CAB39L: variants seen among roughly 807,000 people sequenced by gnomAD.
CAB39L encodes calcium-binding protein 39-like.
In CAB39L, 23 loss-of-function variants were observed where a neutral mutation model predicts 39.1. The ratio of observed to expected loss-of-function variants is 0.59; its 90% confidence interval spans 0.42 to 0.83. The LOEUF (loss-of-function observed/expected upper bound fraction) is 0.83. CAB39L is among the 40% of genes least tolerant of loss of function. CAB39L has a pLI of 0.00. For missense variants in CAB39L, 366 were observed against 391.9 expected (o/e 0.93, Z 0.56); for synonymous variants, 126 against 137.2 (o/e 0.92, Z 0.57).
chr13:49,346,546 T>C (rs1296672411), intron 7 of CAB39L, among the ~76,000 whole-genome samples: 2 of 152,098 alleles, frequency 1.3e-5, no homozygotes, highest in Non-Finnish European at 2.9e-5. Flanking sequence ...AAAAATCTGA[T>C]ATCTATATTT....
At chr13:49,342,217 C>T (rs1348459411) in intron 8 of CAB39L, among the ~76,000 whole-genome samples, 1 of 152,228 alleles carries the variant, frequency 6.6e-6, no homozygotes. Context: ...TATTTGTTTG[C>T]TACCACTGGT....
At position 49,350,818 on chromosome 13, in the gene CAB39L, G is replaced by A. The variant is rs1183880724; in HGVS notation, c.490C>T (p.Gln164Ter). Residue 164 changes from glutamine to a stop codon, truncating the protein, a stop_gained, in exon 7 of 11, where the codon CAA becomes TAA. Transcript: ENST00000409308. LOFTEE classifies it high-confidence loss of function. Reference sequence around the variant, plus strand: ...ACGTACTTAAAGAAATCTCTGAATTGATTAGAAAAGAGGATGATTTTGGCA... The same window carrying A: ...ACGTACTTAAAGAAATCTCTGAATTAATTAGAAAAGAGGATGATTTTGGCA... ...PLAKIILFSN[Q>*]FRDFFKYVEL... is the part of the protein sequence containing the mutation. 1.9e-6 allele frequency: 3 copies of A among 1,611,788 alleles called. No homozygotes were observed. The highest frequency in any genetic ancestry group is 2.5e-6 in the Non-Finnish European group (3 of 1,178,722).
intron 10 of CAB39L, among the ~76,000 whole-genome samples, chr13:49,321,337 CTTACA>C (rs1310089915): frequency 6.6e-6 from 1 of 152,184 alleles, no homozygotes; most frequent in Admixed American, 6.5e-5. Context: ...GTAGATTCTT[CTTACA>C]TTACATGAGA....
At chr13:49,358,971 A>G (rs964904367) in intron 6 of CAB39L, among the ~76,000 whole-genome samples, 1 of 152,246 alleles carries the variant, frequency 6.6e-6, no homozygotes, top group Non-Finnish European at 1.5e-5. Flanking sequence ...AAAATGTACA[A>G]GAGAGAAAAT....
At chr13:49,312,493 G>GT (rs1954024169) in intron 10 of CAB39L, among the ~76,000 whole-genome samples, 2 of 152,176 alleles carry the variant, frequency 1.3e-5, no homozygotes, top group African/African-American at 2.4e-5. Flanking sequence ...ATTCAGTATG[G>GT]TAACATGCTG....
At chr13:49,329,912 G>T (rs1437736797) in intron 10 of CAB39L, among the ~76,000 whole-genome samples, 1 of 151,982 alleles carries the variant, frequency 6.6e-6, no homozygotes, top group Non-Finnish European at 1.5e-5. Flanking sequence ...CTTTCTCACT[G>T]TCTATACTCC....
intron 7 of CAB39L, among the ~76,000 whole-genome samples, chr13:49,346,042 G>A (rs1395216958): frequency 9.6e-6 from 1 of 104,238 alleles, no homozygotes; most frequent in Non-Finnish European, 1.9e-5. Context: ...AATAGGGTGG[G>A]GTAGAATTCC....
At chr13:49,423,192 G>A (rs895188938) in intron 3 of CAB39L, among the ~76,000 whole-genome samples, 1 of 152,184 alleles carries the variant, frequency 6.6e-6, no homozygotes, top group Admixed American at 6.5e-5. Context: ...AGATTACTGG[G>A]TCCTTTCCGC....
At position 49,361,552 on chromosome 13, in the gene CAB39L, A is replaced by G. The variant is rs368276772; in HGVS notation, c.277-1720T>C. ...AGAGAGACAGAAAAAAAGAGAGAGA[A>G]AGAGAAAGAAAAGAAAGAAAGAAAG... On this transcript the variant is annotated intron_variant, in intron 5 of 10. Transcript: ENST00000409308. 3.3e-3 allele frequency among the ~76,000 whole-genome samples: 356 copies of G among 107,974 alleles called. 1 individual carries two copies. The highest frequency in any genetic ancestry group is 8.9e-3 in the African/African-American group (259 of 29,020). 70.8% of individuals were successfully genotyped at this position (107,974 alleles called of 152,430 possible).
intron 10 of CAB39L, among the ~76,000 whole-genome samples, chr13:49,326,446 G>A (rs1420132556): frequency 6.6e-6 from 1 of 152,164 alleles, no homozygotes; most frequent in African/African-American, 2.4e-5. Flanking sequence ...CTCACCAATA[G>A]TAGGAAGCAC....
chr13:49,422,800 C>T (rs1957189771), intron 3 of CAB39L, among the ~76,000 whole-genome samples: 1 of 152,020 alleles, frequency 6.6e-6, no homozygotes, highest in Admixed American at 6.5e-5. Flanking sequence ...GAATTCCTTG[C>T]ACTTCTCAAA....
At chr13:49,325,976 G>T (rs936226422) in intron 10 of CAB39L, among the ~76,000 whole-genome samples, 15 of 152,088 alleles carry the variant, frequency 9.9e-5, no homozygotes, top group African/African-American at 3.6e-4. Context: ...TTATATTCTG[G>T]AATAAGCTGG....
intron 8 of CAB39L, among the ~76,000 whole-genome samples, chr13:49,340,238 A>T (rs562943944): frequency 6.6e-6 from 1 of 152,306 alleles, no homozygotes; most frequent in South Asian, 2.1e-4. Flanking sequence ...TCTCACCGGA[A>T]GCTGGGGACA....
chr13:49,336,512 CA>C, intron 9 of CAB39L, among the ~76,000 whole-genome samples: 1 of 152,262 alleles, frequency 6.6e-6, no homozygotes, highest in South Asian at 2.1e-4. Context: ...AAGGCATCTG[CA>C]AATAAGTAGG....
chr13:49,438,323 A>G (rs1957450285), intron 1 of CAB39L, among the ~76,000 whole-genome samples: 1 of 152,138 alleles, frequency 6.6e-6, no homozygotes, highest in Admixed American at 6.5e-5. Context: ...ATGTCAGACC[A>G]TGTAATATTT....
chr13:49,311,699 T>TA (rs1343454210), intron 10 of CAB39L, among the ~76,000 whole-genome samples: 1 of 151,868 alleles, frequency 6.6e-6, no homozygotes, highest in East Asian at 1.9e-4. Context: ...GTTTAAAAAG[T>TA]AAAAAATAAA....
chr13:49,420,305 T>C (rs1279057405), intron 3 of CAB39L: 1 of 152,250 alleles, frequency 6.6e-6, no homozygotes, highest in Non-Finnish European at 1.5e-5. Context: ...ACTTTAATGA[T>C]ACAACTTCAT....
intron 6 of CAB39L, among the ~76,000 whole-genome samples, chr13:49,358,846 C>G (rs1191515198): frequency 6.6e-6 from 1 of 151,694 alleles, no homozygotes; most frequent in East Asian, 1.9e-4. Context: ...GACAATAGAG[C>G]AAGACGCTGT....
intron 9 of CAB39L, among the ~76,000 whole-genome samples, chr13:49,333,979 G>A (rs1193691163): frequency 6.6e-6 from 1 of 152,096 alleles, no homozygotes; most frequent in Non-Finnish European, 1.5e-5. Flanking sequence ...TTTGTTAATG[G>A]CACCAGGAGC....
Sources: allele counts gnomAD v4.1 joint callset (sites outside exome capture counted in the v4.1 genomes callset), GRCh38; gene constraint gnomAD v4.1.1; transcripts MANE v1.5; gene names NCBI Gene and HGNC (gene_info 2026-07-23, HGNC 2026-07-21).